The following CCSER1 variants were observed in gnomAD, a reference collection of about 807,000 sequenced individuals.
The protein encoded by CCSER1 is coiled-coil serine rich protein 1.
In CCSER1, 41 loss-of-function variants were observed where a neutral mutation model predicts 82.0. The observed-to-expected ratio is 0.50, with a 90% CI of 0.39 to 0.65. The LOEUF is 0.65. Ranked by LOEUF, CCSER1 falls within the 30% of genes least tolerant of loss-of-function variation. CCSER1 has a pLI of 0.00. For missense variants in CCSER1, 1,119 were observed against 1,064.2 expected (o/e 1.05, Z -0.72); for synonymous variants, 414 against 383.9 (o/e 1.08, Z -0.92).
intron 10 of CCSER1, among the ~76,000 whole-genome samples, chr4:91,598,044 GTCT>G (rs1764663727): frequency 6.6e-6 from 1 of 152,082 alleles, no homozygotes; most frequent in South Asian, 2.1e-4. Flanking sequence ...TGGTCTATTG[GTCT>G]TCTTAGATTC....
At chr4:90,972,898 T>G (rs1292600929) in intron 9 of CCSER1, among the ~76,000 whole-genome samples, 3 of 151,680 alleles carry the variant, frequency 2.0e-5, no homozygotes, top group Non-Finnish European at 4.4e-5. Context: ...CCCAAAAGCA[T>G]ACAATGGGGG....
intron 1 of CCSER1, among the ~76,000 whole-genome samples, chr4:90,167,598 A>G (rs1730733598): frequency 6.6e-6 from 1 of 152,106 alleles, no homozygotes; most frequent in Non-Finnish European, 1.5e-5. Flanking sequence ...AACATTAGGT[A>G]TATCTCCTAA....
At chr4:91,326,533 G>A (rs537912458) in intron 10 of CCSER1, among the ~76,000 whole-genome samples, 2 of 152,232 alleles carry the variant, frequency 1.3e-5, no homozygotes, top group African/African-American at 2.4e-5. Flanking sequence ...TGTGATTTGC[G>A]TGGGAACACA....
chr4:90,757,000 C>A (rs1408160602), intron 7 of CCSER1, among the ~76,000 whole-genome samples: 5 of 151,970 alleles, frequency 3.3e-5, no homozygotes, highest in African/African-American at 1.2e-4. Context: ...TAGATTAGAA[C>A]TTTAATTAAT....
At chr4:91,511,950 A>G (rs1431722296) in intron 10 of CCSER1, among the ~76,000 whole-genome samples, 1 of 152,204 alleles carries the variant, frequency 6.6e-6, no homozygotes. Context: ...CCGTGAAACC[A>G]GTACCTGGTG....
intron 5 of CCSER1, among the ~76,000 whole-genome samples, chr4:90,586,878 C>A (rs545589361): frequency 6.6e-6 from 1 of 152,292 alleles, no homozygotes; most frequent in South Asian, 2.1e-4. Context: ...GATGTCTCTT[C>A]TCTAACTGTG....
intron 10 of CCSER1, among the ~76,000 whole-genome samples, chr4:91,570,079 T>G (rs1357137564): frequency 1.3e-5 from 2 of 152,140 alleles, no homozygotes; most frequent in African/African-American, 4.8e-5. Flanking sequence ...AATAGGGTAG[T>G]CATCAAACCT....
intron 9 of CCSER1, among the ~76,000 whole-genome samples, chr4:90,965,281 A>G (rs1186070947): frequency 6.6e-6 from 1 of 152,132 alleles, no homozygotes; most frequent in Non-Finnish European, 1.5e-5. Context: ...AGAGGCCTTT[A>G]AAAAGGCTTC....
At chr4:90,748,562 T>C (rs1476056373) in intron 7 of CCSER1, among the ~76,000 whole-genome samples, 1 of 149,858 alleles carries the variant, frequency 6.7e-6, no homozygotes, top group African/African-American at 2.4e-5. Context: ...AGTAATGGGA[T>C]GGCTGAGTCA....
intron 10 of CCSER1, among the ~76,000 whole-genome samples, chr4:91,512,266 A>G (rs1355866177): frequency 6.6e-6 from 1 of 152,188 alleles, no homozygotes. Context: ...CATCTAATCA[A>G]CTGCCAGTGT....
chr4:90,252,116 T>G (rs534393687), intron 1 of CCSER1, among the ~76,000 whole-genome samples: 44 of 152,008 alleles, frequency 2.9e-4, no homozygotes, highest in Admixed American at 7.9e-4. Flanking sequence ...GAATTAGAAG[T>G]GCTTTGGATT....
At chr4:90,461,540 G>A (rs1194132919) in intron 4 of CCSER1, among the ~76,000 whole-genome samples, 1 of 152,050 alleles carries the variant, frequency 6.6e-6, no homozygotes, top group African/African-American at 2.4e-5. Context: ...TTAACTTCTT[G>A]TGTCTTGTGT....
At chr4:91,328,037 G>A (rs1206060391) in intron 10 of CCSER1, among the ~76,000 whole-genome samples, 1 of 152,090 alleles carries the variant, frequency 6.6e-6, no homozygotes, top group East Asian at 1.9e-4. Context: ...CATTCAACAG[G>A]TCTCTAGAAT....
chr4:90,211,018 T>C (rs2153414232), intron 1 of CCSER1, among the ~76,000 whole-genome samples: 1 of 152,338 alleles, frequency 6.6e-6, no homozygotes, highest in Middle Eastern at 3.4e-3. Context: ...ACAGTTTATA[T>C]TTCCCTTAGT....
chr4:91,197,374 A>G (rs1295820992), intron 10 of CCSER1, among the ~76,000 whole-genome samples: 1 of 152,206 alleles, frequency 6.6e-6, no homozygotes, highest in Non-Finnish European at 1.5e-5. Flanking sequence ...ACAGAAAGGC[A>G]TTCTGGAACG....
At chr4:91,420,396 T>G (rs946933578) in intron 10 of CCSER1, among the ~76,000 whole-genome samples, 12 of 152,052 alleles carry the variant, frequency 7.9e-5, no homozygotes, top group African/African-American at 2.9e-4. Flanking sequence ...AATAGACAGT[T>G]TTCCAAAGAA....
At chr4:91,441,129 G>C (rs1479304525) in intron 10 of CCSER1, among the ~76,000 whole-genome samples, 4 of 152,044 alleles carry the variant, frequency 2.6e-5, no homozygotes, top group African/African-American at 7.3e-5. Flanking sequence ...ATGAGGCCAG[G>C]ATCATCCTTA....
chr4:90,261,970 A>G (rs919889597), intron 1 of CCSER1, among the ~76,000 whole-genome samples: 4 of 152,016 alleles, frequency 2.6e-5, no homozygotes, highest in South Asian at 2.1e-4. Flanking sequence ...TAAGATATCT[A>G]TCTGTCTGGA....
intron 9 of CCSER1, among the ~76,000 whole-genome samples, chr4:91,083,565 A>T (rs1005145211): frequency 6.6e-6 from 1 of 152,176 alleles, no homozygotes; most frequent in Non-Finnish European, 1.5e-5. Flanking sequence ...AATAAAGTAA[A>T]ATGAAATAAA....
Sources: allele counts gnomAD v4.1 joint callset (sites outside exome capture counted in the v4.1 genomes callset), GRCh38; gene constraint gnomAD v4.1.1; transcripts MANE v1.5; gene names NCBI Gene and HGNC (gene_info 2026-07-23, HGNC 2026-07-21).